DENND1A: variants seen among roughly 807,000 people sequenced by gnomAD.
The protein encoded by DENND1A is DENN domain containing 1A.
DENND1A carries 51 observed loss-of-function variants against 113.7 expected under a neutral mutation model. That is an observed-to-expected ratio of 0.45 (90% confidence interval 0.36 to 0.57). The LOEUF (loss-of-function observed/expected upper bound fraction) is 0.57. DENND1A is among the 20% of genes least tolerant of loss of function. The pLI, the probability that DENND1A is intolerant of heterozygous loss-of-function variation, is 0.00. For synonymous variants in DENND1A, 565 were observed against 570.8 expected (o/e 0.99, Z 0.14); for missense variants, 1,258 against 1,395.9 (o/e 0.90, Z 1.57).
chr9:123,484,983 G>C (rs968636369), intron 13 of DENND1A, among the ~76,000 whole-genome samples: 4 of 152,096 alleles, frequency 2.6e-5, no homozygotes, highest in Non-Finnish European at 4.4e-5. Context: ...TTATTTCGAG[G>C]GCTACAGGCG....
intron 2 of DENND1A, among the ~76,000 whole-genome samples, chr9:123,839,412 A>G (rs1279608952): frequency 6.6e-6 from 1 of 152,196 alleles, no homozygotes; most frequent in Non-Finnish European, 1.5e-5. Flanking sequence ...ACATTAGCCC[A>G]CTGCCTGGCA....
chr9:123,873,795 T>G (rs1028072410), intron 2 of DENND1A, among the ~76,000 whole-genome samples: 5 of 151,658 alleles, frequency 3.3e-5, no homozygotes, highest in African/African-American at 1.2e-4. Context: ...CAGGCTGGAG[T>G]GCAGTGGCAC....
At chr9:123,517,985 A>C (rs969795343) in intron 13 of DENND1A, among the ~76,000 whole-genome samples, 1 of 152,188 alleles carries the variant, frequency 6.6e-6, no homozygotes, top group African/African-American at 2.4e-5. Context: ...TATAATCAGA[A>C]AAAAATATAT....
intron 3 of DENND1A, among the ~76,000 whole-genome samples, chr9:123,771,874 G>A (rs574507694): frequency 2.0e-5 from 3 of 152,180 alleles, no homozygotes; most frequent in East Asian, 3.9e-4. Flanking sequence ...GATGGGGGGA[G>A]GGGAGGGGGA....
At chr9:123,565,493 A>ATTT (rs1370157476) in intron 12 of DENND1A, among the ~76,000 whole-genome samples, 1 of 152,140 alleles carries the variant, frequency 6.6e-6, no homozygotes, top group Non-Finnish European at 1.5e-5. Context: ...TATTATTATT[A>ATTT]TTACAAATTA....
chr9:123,895,480 G>C (rs1312609269), intron 1 of DENND1A, among the ~76,000 whole-genome samples: 1 of 151,974 alleles, frequency 6.6e-6, no homozygotes, highest in African/African-American at 2.4e-5. Flanking sequence ...AAATTAGCCA[G>C]GCATAGTAGC....
At chr9:123,450,817 G>T in intron 17 of DENND1A, 68 bp from the exon 18 acceptor site, 1 of 1,345,378 alleles carries the variant, frequency 7.4e-7, no homozygotes. Flanking sequence ...CTTGATTTCA[G>T]TCCATCGAGA....
At chr9:123,578,828 G>T (rs1425220108) in intron 12 of DENND1A, among the ~76,000 whole-genome samples, 1 of 147,176 alleles carries the variant, frequency 6.8e-6, no homozygotes, top group African/African-American at 2.6e-5. Flanking sequence ...GGTCAGAAAA[G>T]ATTCAGTGTG....
At chr9:123,795,238 C>T (rs1335251944) in intron 2 of DENND1A, among the ~76,000 whole-genome samples, 1 of 152,094 alleles carries the variant, frequency 6.6e-6, no homozygotes, top group Non-Finnish European at 1.5e-5. Flanking sequence ...AGATTCAGTC[C>T]GATAGTTCAT....
At chr9:123,909,079 T>A (rs1853450166) in intron 1 of DENND1A, among the ~76,000 whole-genome samples, 1 of 152,118 alleles carries the variant, frequency 6.6e-6, no homozygotes, top group Non-Finnish European at 1.5e-5. Context: ...ATCATCATTC[T>A]CAGTAAACTA....
At position 123,454,731 on chromosome 9, in the gene DENND1A, A is replaced by ATGCT. The variant is rs1272412931; in HGVS notation, c.1227+4_1227+7dup. ...GTCCAGGGGGCTCTGAATTGGGTGC[A>ATGCT]TGCTTACCCGGACAGTGGAGAGCCA... On this transcript the variant is annotated splice_region_variant and intron_variant, in intron 16 of 23. Transcript: ENST00000394215. 8 of 1,553,728 alleles carry ATGCT rather than the reference A, an allele frequency of 5.1e-6. No homozygotes were observed. In the African/African-American group the frequency reaches 1.1e-4, roughly 21 times the overall value.
intron 1 of DENND1A, among the ~76,000 whole-genome samples, chr9:123,882,465 G>A (rs931102110): frequency 1.2e-5 from 1 of 84,706 alleles, no homozygotes; most frequent in Non-Finnish European, 2.0e-5. Flanking sequence ...CTCGACTCCC[G>A]TTTCATATGC....
intron 2 of DENND1A, among the ~76,000 whole-genome samples, chr9:123,809,599 C>G (rs1168930842): frequency 2.6e-5 from 4 of 152,184 alleles, no homozygotes; most frequent in African/African-American, 9.7e-5. Flanking sequence ...TAACAAGCCT[C>G]TCACAAAAGA....
At chr9:123,421,621 C>A (rs1420609827) in intron 19 of DENND1A, among the ~76,000 whole-genome samples, 1 of 152,168 alleles carries the variant, frequency 6.6e-6, no homozygotes. Context: ...CATTTAAGGA[C>A]CAGGGCCAGC....
intron 1 of DENND1A, among the ~76,000 whole-genome samples, chr9:123,880,648 T>C (rs1451270576): frequency 6.6e-6 from 1 of 152,212 alleles, no homozygotes; most frequent in Non-Finnish European, 1.5e-5. Flanking sequence ...TTCATCGTCA[T>C]CATAATCCTG....
At chr9:123,895,618 ACT>A (rs1179739313) in intron 1 of DENND1A, among the ~76,000 whole-genome samples, 4 of 147,314 alleles carry the variant, frequency 2.7e-5, no homozygotes, top group African/African-American at 1.0e-4. Flanking sequence ...TGAGACTCTG[ACT>A]CAAAAAAAAA....
intron 2 of DENND1A, among the ~76,000 whole-genome samples, chr9:123,812,208 T>C (rs1836738960): frequency 1.3e-5 from 2 of 152,248 alleles, no homozygotes; most frequent in African/African-American, 4.8e-5. Flanking sequence ...TTAACATTTA[T>C]ATATCTGATA....
intron 12 of DENND1A, among the ~76,000 whole-genome samples, chr9:123,573,045 T>A (rs985244992): frequency 6.6e-6 from 1 of 152,164 alleles, no homozygotes; most frequent in Non-Finnish European, 1.5e-5. Flanking sequence ...GAATAAAAGA[T>A]CCCTCTTCTT....
At chr9:123,902,831 T>G (rs1169344559) in intron 1 of DENND1A, among the ~76,000 whole-genome samples, 1 of 143,344 alleles carries the variant, frequency 7.0e-6, no homozygotes, top group Non-Finnish European at 1.5e-5. Context: ...AAAAGGCCAA[T>G]GTAACCTTGA....
Sources: allele counts gnomAD v4.1 joint callset (sites outside exome capture counted in the v4.1 genomes callset), GRCh38; gene constraint gnomAD v4.1.1; transcripts MANE v1.5; gene names NCBI Gene and HGNC (gene_info 2026-07-23, HGNC 2026-07-21).